The following TTC39C variants were observed in gnomAD, a reference collection of about 807,000 sequenced individuals.
The protein encoded by TTC39C is tetratricopeptide repeat protein 39C.
Under a neutral mutation model 76.3 loss-of-function variants are expected in TTC39C, and 33 were observed. The observed-to-expected ratio is 0.43, with a 90% confidence interval of 0.33 to 0.58. TTC39C has a LOEUF of 0.58. TTC39C is among the 20% of genes least tolerant of loss of function. The pLI is 0.04. For missense variants in TTC39C, 595 were observed against 701.4 expected, an observed-to-expected ratio of 0.85 and a Z score of 1.71; for synonymous variants, 254 against 260.6, an observed-to-expected ratio of 0.97 and a Z score of 0.24.
chr18:24,045,889 G>GAAAAAAAAAA (rs1193600114), intron 1 of TTC39C, among the ~76,000 whole-genome samples: 7 of 56,350 alleles, frequency 1.2e-4, no homozygotes, highest in African/African-American at 5.2e-4. Context: ...TTCCTTCTGT[G>GAAAAAAAAAA]AAAATATATA....
chr18:24,080,490 G>T, intron 4 of TTC39C, 95 bp from the exon 5 acceptor site: 1 of 903,080 alleles, frequency 1.1e-6, no homozygotes, highest in Non-Finnish European at 1.7e-6. Context: ...TACATTTTTG[G>T]CTTGATTTTC....
In TTC39C at chr18:24,104,688, TTGTGTGTGTG is replaced by T. The variant is rs10661950; in HGVS notation, c.985-9841_985-9832del. Among the ~76,000 whole-genome samples the T allele has an allele frequency of 2.1e-5, 3 of 144,736 alleles. 1 individual carries two copies. The South Asian group carries it at 6.7e-4, about 32-fold the overall frequency. 95.0% of individuals were successfully genotyped at this position (144,736 alleles called of 152,430 possible). On this transcript the variant is annotated intron_variant, in intron 6 of 13. Coordinates refer to ENST00000317571, the MANE Select transcript of TTC39C (RefSeq NM_001135993.2). ...GCCCAGCGCTTAGGGAGCAGGGTGT[TTGTGTGTGTG>T]TGTGTGTGTGTGTGTGTGTGTGTGA...
At chr18:24,083,492 C>A (rs2084402582) in intron 6 of TTC39C, among the ~76,000 whole-genome samples, 1 of 152,196 alleles carries the variant, frequency 6.6e-6, no homozygotes, top group Non-Finnish European at 1.5e-5. Context: ...AATATCAGGG[C>A]AACATGAGCT....
chr18:24,116,296 C>T (rs749083674), intron 7 of TTC39C, among the ~76,000 whole-genome samples: 4 of 152,190 alleles, frequency 2.6e-5, no homozygotes, highest in Non-Finnish European at 4.4e-5. Context: ...TAATCCTAGT[C>T]CTTTGGGAGG....
intron 1 of TTC39C, among the ~76,000 whole-genome samples, chr18:24,040,735 T>G (rs996168005): frequency 2.6e-5 from 4 of 152,194 alleles, no homozygotes; most frequent in African/African-American, 4.8e-5. Context: ...TCTAGCGCGC[T>G]CTCTCTCTGA....
intron 5 of TTC39C, among the ~76,000 whole-genome samples, chr18:24,082,013 T>C (rs898285194): frequency 2.0e-5 from 3 of 147,604 alleles, no homozygotes; most frequent in Non-Finnish European, 3.0e-5. Context: ...TGTCTGGCTG[T>C]TGTTTTTTTT....
intron 4 of TTC39C, among the ~76,000 whole-genome samples, chr18:24,072,310 TA>T (rs1390463180): frequency 6.6e-6 from 1 of 151,236 alleles, no homozygotes; most frequent in Non-Finnish European, 1.5e-5. Context: ...TTTTTTTTTT[TA>T]AAGACAGTTT....
intron 1 of TTC39C, among the ~76,000 whole-genome samples, chr18:24,018,923 G>A (rs565123899): frequency 2.6e-5 from 4 of 152,134 alleles, no homozygotes; most frequent in Non-Finnish European, 5.9e-5. Context: ...TCCCATGGTC[G>A]GTGCTTTCCT....
chr18:24,064,550 GTTAAA>G (rs2084142599), intron 2 of TTC39C, among the ~76,000 whole-genome samples: 1 of 152,212 alleles, frequency 6.6e-6, no homozygotes, highest in Non-Finnish European at 1.5e-5. Context: ...TAGAAGTCAA[GTTAAA>G]TGAGCAGAGC....
At chr18:24,045,492 AT>A (rs1298947418) in intron 1 of TTC39C, among the ~76,000 whole-genome samples, 1 of 152,100 alleles carries the variant, frequency 6.6e-6, no homozygotes, top group Non-Finnish European at 1.5e-5. Context: ...CCAAAATACC[AT>A]TTTAAAAGTG....
intron 1 of TTC39C, among the ~76,000 whole-genome samples, chr18:24,028,759 G>A (rs1196950007): frequency 6.6e-6 from 1 of 152,166 alleles, no homozygotes; most frequent in Non-Finnish European, 1.5e-5. Context: ...GTCTTGCTCT[G>A]TCGCCCAGGC....
chr18:24,010,331 A>C (rs944780079), upstream of TTC39C, among the ~76,000 whole-genome samples: 2 of 152,208 alleles, frequency 1.3e-5, no homozygotes, highest in Admixed American at 1.3e-4. Flanking sequence ...TTGTTACAAG[A>C]GTTTGTTACA....
chr18:24,001,932 T>G (rs2083316409), intron 1 of TTC39C, among the ~76,000 whole-genome samples: 1 of 149,876 alleles, frequency 6.7e-6, no homozygotes, highest in African/African-American at 2.5e-5. Context: ...TTCACGCCAT[T>G]CTCCTGCCTC....
chr18:24,131,449 A>C (rs1182450308), intron 12 of TTC39C, among the ~76,000 whole-genome samples: 2 of 152,156 alleles, frequency 1.3e-5, no homozygotes, highest in Non-Finnish European at 2.9e-5. Flanking sequence ...GCAGTGGCTC[A>C]TACCTGTAAT....
chr18:24,017,413 G>A (rs568905392), intron 1 of TTC39C, among the ~76,000 whole-genome samples: 1 of 152,308 alleles, frequency 6.6e-6, no homozygotes, highest in South Asian at 2.1e-4. Flanking sequence ...ACATTATCGT[G>A]TGGTGGTTAG....
chr18:24,061,736 G>C (rs2084103951), intron 1 of TTC39C, among the ~76,000 whole-genome samples: 1 of 151,916 alleles, frequency 6.6e-6, no homozygotes, highest in East Asian at 1.9e-4. Context: ...AACCCCGTCT[G>C]TATTAAAAAT....
intron 11 of TTC39C, 55 bp downstream of exon 11, chr18:24,129,038 T>G (rs1427841687): frequency 4.4e-6 from 6 of 1,357,118 alleles, no homozygotes; most frequent in Admixed American, 2.1e-5. Context: ...CACCTACGTA[T>G]ATGCTTGTGA....
chr18:24,082,911 A>G lies in TTC39C; in HGVS notation c.816-2A>G, dbSNP rs2084394627. 2 of 1,591,264 alleles carry G rather than the reference A, an allele frequency of 1.3e-6. No individual in the cohort carries two copies. Among genetic ancestry groups the G allele is most frequent in the South Asian group, 1.1e-5 (1 of 87,762 alleles). On this transcript the variant is annotated splice_acceptor_variant, in intron 5 of 13. Transcript: ENST00000317571. LOFTEE classifies it high-confidence loss of function. The stretch of plus-strand genomic sequence containing the variant: ...TCAATGTTTCTCTCCCTCTTCCTCT[A>G]GATTAGCTCTGCTCTGGTATCATAC...
At chr18:24,015,929 T>TGACGAGCCTTAAG (rs1231054230) in intron 1 of TTC39C, among the ~76,000 whole-genome samples, 1 of 152,184 alleles carries the variant, frequency 6.6e-6, no homozygotes, top group African/African-American at 2.4e-5. Flanking sequence ...GTCTGATTGT[T>TGACGAGCCTTAAG]GACGAGCCTT....
Sources: allele counts gnomAD v4.1 joint callset (sites outside exome capture counted in the v4.1 genomes callset), GRCh38; gene constraint gnomAD v4.1.1; transcripts MANE v1.5; gene names NCBI Gene and HGNC (gene_info 2026-07-23, HGNC 2026-07-21).